FN1: variants seen among roughly 807,000 people sequenced by gnomAD.
FN1 encodes the protein fibronectin.
In FN1, 106 loss-of-function variants were observed where a neutral mutation model predicts 297.3. The observed-to-expected ratio is 0.36, with a 90% confidence interval of 0.30 to 0.42. FN1 has a LOEUF of 0.42. Among genes scored for constraint, FN1 ranks in the 10% least tolerant of loss-of-function variants. FN1 has a pLI of 1.00. For missense variants in FN1, 2,690 were observed against 3,124.9 expected (o/e 0.86, Z 3.32); for synonymous variants, 1,149 against 1,152.6 (o/e 1.00, Z 0.06).
rs1250204 is a variant in FN1, at chr2:215,379,109, T to C, written c.5622+21A>G. 0.95 allele frequency: 1,537,063 copies of C among 1,609,764 alleles called. 734,221 individuals carry two copies. The highest frequency in any genetic ancestry group is 1 in the East Asian group (44,827 of 44,842). ...GAGATGATCTCCATCTTTATTCCAA[T>C]GAACAACGGTCATGTCTTACCATAA... On this transcript the variant is annotated intron_variant, in intron 34 of 45. Transcript: ENST00000354785.
chr2:215,401,142 T>G (rs2060967303), intron 20 of FN1, among the ~76,000 whole-genome samples: 1 of 147,138 alleles, frequency 6.8e-6, no homozygotes, highest in African/African-American at 2.5e-5. Context: ...TGTTTTGGGT[T>G]TTAGCACCAA....
At position 215,375,694 on chromosome 2, in the gene FN1, T is replaced by C. The variant is rs1425884458; in HGVS notation, c.5912A>G (p.Lys1971Arg). The C allele has an allele frequency of 6.2e-7, 1 of 1,612,326 alleles. No homozygotes were observed. The highest frequency in any genetic ancestry group is 2.2e-5 in the East Asian group (1 of 44,886). Residue 1971 changes from lysine (K) to arginine (R), a missense_variant, in exon 37 of 46, where the codon AAG (lysine) becomes AGG (arginine). By Grantham distance (26) the Lys-to-Arg change is conservative. Coordinates refer to ENST00000354785, the MANE Select transcript of FN1 (RefSeq NM_212482.4). ...ITGLQPGTDY[K>R]IYLYTLNDNA... ...GTCATTCAAGGTGTACAGGTAGATCTTGTAGTCAGTGCCTGGTTGTAAACC... is the reference window on the plus strand; with the variant it reads ...GTCATTCAAGGTGTACAGGTAGATCCTGTAGTCAGTGCCTGGTTGTAAACC...
chr2:215,402,810 T>C (rs1463573203), intron 20 of FN1, among the ~76,000 whole-genome samples: 3 of 152,236 alleles, frequency 2.0e-5, no homozygotes, highest in African/African-American at 7.2e-5. Flanking sequence ...TTATATTTTA[T>C]ATGAATGTAT....
rs1267688454 is a variant in FN1 at position 215,409,539 on chromosome 2, T to C, written c.2299+24A>G. 1.9e-6 allele frequency: 3 copies of C among 1,611,048 alleles called. No individual in the cohort carries two copies. In the East Asian group the frequency reaches 6.7e-5, roughly 36 times the overall value. On this transcript the variant is annotated intron_variant, in intron 15 of 45. Transcript: ENST00000354785. ...TTTTCCAGCAGCTGCCCTGAACCTG[T>C]CTTGAGCGACATATTGAGCTTACCC...
At chr2:215,392,675 A>G (rs1320468434) in intron 25 of FN1, 1 of 515,622 alleles carries the variant, frequency 1.9e-6, no homozygotes, top group East Asian at 3.4e-5. Context: ...TTTATATTTA[A>G]CAGAGCAGAC....
At chr2:215,401,920 A>G (rs1261130622) in intron 20 of FN1, among the ~76,000 whole-genome samples, 1 of 147,666 alleles carries the variant, frequency 6.8e-6, no homozygotes, top group African/African-American at 2.5e-5. Flanking sequence ...TATGTATGTT[A>G]TTATTTTGAT....
chr2:215,400,722 A>T (rs540997412), intron 20 of FN1, among the ~76,000 whole-genome samples: 1 of 126,928 alleles, frequency 7.9e-6, no homozygotes, highest in Non-Finnish European at 1.6e-5. Flanking sequence ...ACTGCACTCC[A>T]GCCAGGGTGA....
chr2:215,401,194 AAAGAAAAG>A (rs1209613362), intron 20 of FN1, among the ~76,000 whole-genome samples: 1 of 112,182 alleles, frequency 8.9e-6, no homozygotes, highest in Non-Finnish European at 1.9e-5. Context: ...AGAGAGAAAG[AAAGAAAAG>A]AAAGAAAGAA....
At position 215,435,825 on chromosome 2, in the gene FN1, G is replaced by A; in HGVS notation, c.-23C>T. ...CATGTTGAGACGGTGGGGGAGAGAC[G>A]CCCGCACCGGGAGGCAAGTTGCCAC... On this transcript the variant is annotated 5_prime_UTR_variant, in exon 1 of 46. Coordinates refer to ENST00000354785, the MANE Select transcript of FN1 (RefSeq NM_212482.4). 4 of 1,523,744 alleles carry A rather than the reference G, an allele frequency of 2.6e-6. No individual in the cohort carries two copies. Among genetic ancestry groups the A allele is most frequent in the Non-Finnish European group, 3.5e-6 (4 of 1,137,296 alleles). 94.4% of individuals were successfully genotyped at this position (1,523,744 alleles called of 1,614,324 possible).
intron 27 of FN1, 59 bp downstream of exon 27, chr2:215,388,153 T>G: frequency 8.4e-7 from 1 of 1,188,872 alleles, no homozygotes; most frequent in Non-Finnish European, 1.3e-6. Context: ...GCATTTCATT[T>G]GTTATACAGA....
At position 215,388,245 on chromosome 2, in the gene FN1, C is replaced by G; in HGVS notation, c.4309G>C (p.Glu1437Gln). ...VSVSSVYEQHESTPLRGRQKT... is the reference protein window; with the variant it reads ...VSVSSVYEQHQSTPLRGRQKT... ...TGTCTTCCTCTAAGAGGTGTGCTCT[C>G]ATGTTGTTCGTAGACACTGGAGACA... The change falls in exon 27 of 46, where the codon GAG (glutamate) becomes CAG (glutamine). Residue 1437 changes from glutamate to glutamine, a missense_variant. By Grantham distance (29) the Glu-to-Gln change is conservative (BLOSUM62 2). Coordinates refer to ENST00000354785, the MANE Select transcript of FN1 (RefSeq NM_212482.4). The G allele has an allele frequency of 6.2e-7, 1 of 1,614,054 alleles. No individual in the cohort carries two copies. The highest frequency in any genetic ancestry group is 1.3e-5 in the African/African-American group (1 of 75,050).
At chr2:215,389,467 G>T (rs2059443391) in intron 26 of FN1, among the ~76,000 whole-genome samples, 1 of 151,926 alleles carries the variant, frequency 6.6e-6, no homozygotes, top group African/African-American at 2.4e-5. Context: ...TGATAAGTGT[G>T]TGATTTGGTG....
rs368265641 is a variant in FN1 at position 215,433,325 on chromosome 2, T to C, written c.414A>G (p.Ala138=). The C allele has an allele frequency of 9.3e-6, 15 of 1,614,144 alleles. No homozygotes were observed. The highest frequency in any genetic ancestry group is 8.9e-5 in the East Asian group (4 of 44,884). Residue 138 remains alanine (A), a splice_region_variant and synonymous_variant, in exon 3 of 46, where the codon GCA becomes GCG. Coordinates refer to ENST00000354785, the MANE Select transcript of FN1 (RefSeq NM_212482.4). ...AGRGRISCTI[A]NRCHEGGQSY... ...CATTTTACACAATCTCTTCCTTACTTGCGATGGTACAGCTTATTCTCCCTC... is the reference window on the plus strand; with the variant it reads ...CATTTTACACAATCTCTTCCTTACTCGCGATGGTACAGCTTATTCTCCCTC...
chr2:215,418,611 T>C (rs1034007202), intron 12 of FN1, among the ~76,000 whole-genome samples: 2 of 152,192 alleles, frequency 1.3e-5, no homozygotes, highest in African/African-American at 4.8e-5. Flanking sequence ...AAATGCAATT[T>C]TCCCCCCAAA....
At chr2:215,407,003 G>A in intron 18 of FN1, 124 bp downstream of exon 18, 1 of 791,674 alleles carries the variant, frequency 1.3e-6, no homozygotes, top group Non-Finnish European at 2.2e-6. Context: ...AATATCAGAA[G>A]TTTAGGGAAA....
chr2:215,422,314 G>C (rs771600796), intron 9 of FN1, 71 bp from the exon 10 acceptor site: 3 of 1,430,560 alleles, frequency 2.1e-6, no homozygotes, highest in South Asian at 2.3e-5. Context: ...TGTGCAAAAG[G>C]ATCAGTTCAG....
chr2:215,382,185 A>C (rs1458489222), intron 32 of FN1, 27 bp downstream of exon 32: 7 of 1,514,322 alleles, frequency 4.6e-6, no homozygotes, highest in Admixed American at 1.7e-5. Flanking sequence ...TGACTTTGAA[A>C]ATGGAAACCA....
intron 26 of FN1, among the ~76,000 whole-genome samples, chr2:215,388,590 A>G (rs2059321060): frequency 6.6e-6 from 1 of 152,188 alleles, no homozygotes; most frequent in Admixed American, 6.5e-5. Flanking sequence ...CAACAGCTGG[A>G]TATTTCTCGC....
chr2:215,379,303 T>A lies in FN1; in HGVS notation c.5449A>T (p.Thr1817Ser), dbSNP rs781500086. 6.2e-7 allele frequency: 1 copy of A among 1,613,998 alleles called. No individual in the cohort carries two copies. The highest frequency in any genetic ancestry group is 8.5e-7 in the Non-Finnish European group (1 of 1,179,964). The change falls in exon 34 of 46, where the codon ACT becomes TCT. Residue 1817 changes from threonine to serine, a missense_variant. Around this residue, in one of 3 missense-constraint regions of FN1, gnomAD observed 1,743 missense variants for 1,945.2 expected, o/e 0.90. Coordinates refer to ENST00000354785, the MANE Select transcript of FN1 (RefSeq NM_212482.4). ...GTGACCTGAGTGAACTTCAGGTCAG[T>A]TGGTGCAGGAATAGCTGTCGAGATT... is the stretch of plus-strand genomic sequence containing the variant. The part of the protein sequence containing the change: ...GTQSTAIPAP[T>S]DLKFTQVTPT...
Sources: gnomAD v4.1 joint callset for allele counts (sites outside exome capture counted in the v4.1 genomes callset) on GRCh38, gnomAD v4.1.1 for gene constraint, gnomAD v4.1.1 regional missense constraint, MANE v1.5 for transcripts, NCBI Gene and HGNC (gene_info 2026-07-23, HGNC 2026-07-21) for gene names.